Variants in PDGFRA observed in about 807,000 individuals in gnomAD.
PDGFRA encodes the protein platelet-derived growth factor receptor alpha.
Under a neutral mutation model 121.5 loss-of-function variants are expected in PDGFRA, and 25 were observed. That is an observed-to-expected ratio of 0.21 (90% CI 0.15 to 0.29). PDGFRA has a LOEUF of 0.29. Ranked by LOEUF, PDGFRA falls within the 10% of genes least tolerant of loss-of-function variation. PDGFRA has a pLI of 1.00. For synonymous variants in PDGFRA, 463 were observed against 494.8 expected (o/e 0.94, Z 0.85); for missense variants, 1,008 against 1,345.1 (o/e 0.75, Z 3.92).
chr4:54,265,243 G>C (rs2110259403), intron 5 of PDGFRA, 194 bp downstream of exon 5: 2 of 618,440 alleles, frequency 3.2e-6, no homozygotes, highest in Middle Eastern at 4.5e-4. Context: ...TGAAATGATA[G>C]TTCCTGGACC....
chr4:54,256,397 G>C (rs868243573), intron 1 of PDGFRA, among the ~76,000 whole-genome samples: 6 of 151,922 alleles, frequency 3.9e-5, no homozygotes, highest in Admixed American at 6.6e-5. Flanking sequence ...CACCACGCCT[G>C]GCTAATTTTT....
intron 1 of PDGFRA, among the ~76,000 whole-genome samples, chr4:54,232,704 C>G (rs1393016956): frequency 6.6e-6 from 1 of 152,230 alleles, no homozygotes; most frequent in Non-Finnish European, 1.5e-5. Flanking sequence ...CCTGCCTCAG[C>G]CTCCCGAGTA....
At chr4:54,285,132 G>T (rs1441856291) in intron 16 of PDGFRA, among the ~76,000 whole-genome samples, 1 of 151,828 alleles carries the variant, frequency 6.6e-6, no homozygotes, top group Non-Finnish European at 1.5e-5. Flanking sequence ...CTGACCTCAG[G>T]CAATCCACCC....
chr4:54,279,772 A>G (rs1723964245), intron 15 of PDGFRA, among the ~76,000 whole-genome samples: 1 of 152,126 alleles, frequency 6.6e-6, no homozygotes, highest in Non-Finnish European at 1.5e-5. Flanking sequence ...CTCATAGCTT[A>G]GCTCTCACTT....
chr4:54,292,061 A>C (rs905170416), intron 22 of PDGFRA, among the ~76,000 whole-genome samples: 50 of 152,348 alleles, frequency 3.3e-4, no homozygotes, highest in African/African-American at 1.1e-3. Context: ...CACTTTTACA[A>C]TGTTGGTTGG....
chr4:54,278,561 A>G (rs1221957422), intron 15 of PDGFRA, 46 bp downstream of exon 15: 3 of 1,582,348 alleles, frequency 1.9e-6, no homozygotes, highest in Non-Finnish European at 2.6e-6. Flanking sequence ...TCTTACAGGC[A>G]TCACAAATGG....
At chr4:54,248,951 A>G (rs1020643184) in intron 1 of PDGFRA, among the ~76,000 whole-genome samples, 2 of 152,220 alleles carry the variant, frequency 1.3e-5, no homozygotes, top group African/African-American at 2.4e-5. Flanking sequence ...TAAGCAGCCA[A>G]AAAAACACAT....
At position 54,281,678 on chromosome 4, in the gene PDGFRA, G is replaced by A. The variant is rs144002896; in HGVS notation, c.2323+1196G>A. On this transcript the variant is annotated intron_variant, in intron 16 of 22. Transcript: ENST00000257290. ...GCAGACCACTGCTTTCTGGCCTTCC[G>A]TGACTATCTGAAAAAAATCGTGAAT... 638 of 1,361,750 alleles carry A rather than the reference G, an allele frequency of 4.7e-4. 3 individuals are homozygous for A. In the African/African-American group the frequency reaches 8.1e-3, roughly 17 times the overall value. The allele number at this position is 1,361,750 out of a possible 1,614,324, so 84.4% of individuals were successfully genotyped here. A position where few individuals can be genotyped will look rare whatever the true frequency, so the allele number is the denominator to read the frequency against.
chr4:54,247,400 C>T (rs1721744152), intron 1 of PDGFRA, among the ~76,000 whole-genome samples: 1 of 152,308 alleles, frequency 6.6e-6, no homozygotes, highest in South Asian at 2.1e-4. Context: ...GCCTGGGATG[C>T]AAGGCTGGTT....
At chr4:54,265,299 CAGA>C in intron 5 of PDGFRA, 1 of 442,946 alleles carries the variant, frequency 2.3e-6, no homozygotes, top group Non-Finnish European at 4.2e-6. Context: ...CCTTCTTTTT[CAGA>C]AGTCAGACAG....
In PDGFRA at chr4:54,295,411, G is replaced by T; in HGVS notation, c.*139G>T. On this transcript the variant is annotated 3_prime_UTR_variant, in exon 23 of 23. Transcript: ENST00000257290. ...GAAGTTCCCAGCCAAGGGCCTCGGG[G>T]AGCGTTCTAAATATGAATGAATGGG... is the stretch of plus-strand genomic sequence containing the variant. 3.8e-6 allele frequency: 3 copies of T among 793,364 alleles called. No homozygotes were observed. The highest frequency in any genetic ancestry group is 4.2e-6 in the Non-Finnish European group (2 of 473,852). The allele number at this position is 793,364 out of a possible 1,614,324, so 49.1% of individuals were successfully genotyped here. A position where few individuals can be genotyped will look rare whatever the true frequency, so the allele number is the denominator to read the frequency against.
At chr4:54,290,656 A>G (rs545935486) in intron 22 of PDGFRA, 102 bp downstream of exon 22, 2 of 1,331,056 alleles carry the variant, frequency 1.5e-6, no homozygotes, top group African/African-American at 1.4e-5. Flanking sequence ...CGGTTGGTAA[A>G]TATGTACTCA....
chr4:54,273,762 A>G, intron 10 of PDGFRA, 32 bp downstream of exon 10: 1 of 1,582,644 alleles, frequency 6.3e-7, no homozygotes, highest in Non-Finnish European at 8.7e-7. Context: ...ACAACTCATC[A>G]GCTGAGCCGC....
At position 54,242,322 on chromosome 4, in the gene PDGFRA, T is replaced by C. The variant is rs887872775; in HGVS notation, c.-13+12907T>C. On this transcript the variant is annotated intron_variant, in intron 1 of 22. Transcript: ENST00000257290. Reference sequence around the variant, plus strand: ...GATCTTGTAAAAATTGCTTGCCATCTCTTTGGAGATACCTCTTGTGTCCAT... The same window carrying C: ...GATCTTGTAAAAATTGCTTGCCATCCCTTTGGAGATACCTCTTGTGTCCAT... Among the ~76,000 whole-genome samples, 5 of 152,354 alleles carry C rather than the reference T, an allele frequency of 3.3e-5. No individual in the cohort carries two copies. In the East Asian group the frequency reaches 7.7e-4, roughly 23 times the overall value.
In PDGFRA at chr4:54,258,806, G is replaced by A. The variant is rs1227672940; in HGVS notation, c.38G>A (p.Cys13Tyr). The A allele has an allele frequency of 1.9e-6, 3 of 1,613,812 alleles. No homozygotes were observed. The highest frequency in any genetic ancestry group is 1.1e-5 in the South Asian group (1 of 91,080). Reference sequence around the variant, plus strand: ...CATCCGGCGTTCCTGGTCTTAGGCTGTCTTCTCACAGGTACGGAGCCCAGT... The same window carrying A: ...CATCCGGCGTTCCTGGTCTTAGGCTATCTTCTCACAGGTACGGAGCCCAGT... Reference protein sequence around the residue: ...TSHPAFLVLGCLLTGLSLILC... With the variant: ...TSHPAFLVLGYLLTGLSLILC... The change falls in exon 2 of 23, where the codon TGT (cysteine) becomes TAT (tyrosine). Residue 13 changes from cysteine (C) to tyrosine (Y), a missense_variant. Coordinates refer to ENST00000257290, the MANE Select transcript of PDGFRA (RefSeq NM_006206.6).
intron 1 of PDGFRA, among the ~76,000 whole-genome samples, chr4:54,236,758 A>T (rs1306240277): frequency 6.6e-6 from 1 of 152,098 alleles, no homozygotes; most frequent in African/African-American, 2.4e-5. Context: ...AGCTGAGATC[A>T]TGCCACTGCA....
At chr4:54,239,979 T>C (rs761538110) in intron 1 of PDGFRA, 4 of 321,466 alleles carry the variant, frequency 1.2e-5, no homozygotes, top group Non-Finnish European at 1.9e-5. Flanking sequence ...GCCTCCTGAG[T>C]AGCTGGGACT....
At chr4:54,278,611 A>C (rs770095559) in intron 15 of PDGFRA, 96 bp downstream of exon 15, 24 of 1,249,464 alleles carry the variant, frequency 1.9e-5, no homozygotes, top group Non-Finnish European at 2.8e-5. Flanking sequence ...CTGCAGATTC[A>C]GTGCCCAAGG....
intron 16 of PDGFRA, among the ~76,000 whole-genome samples, chr4:54,282,347 G>A (rs574382571): frequency 2.0e-5 from 3 of 152,226 alleles, no homozygotes; most frequent in Non-Finnish European, 4.4e-5. Flanking sequence ...AAGCCATGAA[G>A]TCATGGCAGA....
Sources: gnomAD v4.1 joint callset for allele counts (sites outside exome capture counted in the v4.1 genomes callset) on GRCh38, gnomAD v4.1.1 for gene constraint, MANE v1.5 for transcripts, NCBI Gene and HGNC (gene_info 2026-07-23, HGNC 2026-07-21) for gene names.